The following DNAJB6 variants were observed in gnomAD, a reference collection of about 807,000 sequenced individuals.
The protein encoded by DNAJB6 is DnaJ heat shock protein family (Hsp40) member B6.
In DNAJB6, 16 loss-of-function variants were observed where a neutral mutation model predicts 42.7. That is an observed-to-expected ratio of 0.37 (90% confidence interval 0.25 to 0.57). The LOEUF (loss-of-function observed/expected upper bound fraction) is 0.57, where lower values mean the gene tolerates loss of function less well. DNAJB6 is among the 20% of genes least tolerant of loss of function. The pLI is 0.74. For synonymous variants in DNAJB6, 170 were observed against 163.5 expected (o/e 1.04, Z -0.30); for missense variants, 347 against 416.8 (o/e 0.83, Z 1.46).
At chr7:157,359,341 T>A (rs1436385470) in intron 2 of DNAJB6, among the ~76,000 whole-genome samples, 1 of 152,222 alleles carries the variant, frequency 6.6e-6, no homozygotes, top group Non-Finnish European at 1.5e-5. Context: ...GAAGATAGAA[T>A]TAACTTTTTT....
At chr7:157,354,177 T>C (rs376253243) in intron 1 of DNAJB6, among the ~76,000 whole-genome samples, 3 of 152,340 alleles carry the variant, frequency 2.0e-5, no homozygotes, top group African/African-American at 7.2e-5. Context: ...GATGGAGTTT[T>C]GTTCTTGTTG....
chr7:157,402,863 G>A (rs1029182897), intron 8 of DNAJB6, among the ~76,000 whole-genome samples: 11 of 152,192 alleles, frequency 7.2e-5, no homozygotes, highest in East Asian at 3.8e-4. Context: ...GAAAGTCCAC[G>A]GAACCCCACT....
intron 9 of DNAJB6, chr7:157,411,398 G>A (rs967551049): frequency 2.1e-4 from 22 of 106,854 alleles, no homozygotes; most frequent in African/African-American, 6.6e-4. Context: ...CGTGGGGAAG[G>A]TTCCCAGGAT....
At chr7:157,399,476 G>A (rs533127437) in intron 8 of DNAJB6, among the ~76,000 whole-genome samples, 2 of 152,328 alleles carry the variant, frequency 1.3e-5, no homozygotes, top group South Asian at 2.1e-4. Context: ...TATCCTTGCC[G>A]TTGACCTACA....
At chr7:157,375,646 G>A (rs144545252) in intron 5 of DNAJB6, among the ~76,000 whole-genome samples, 109 of 152,330 alleles carry the variant, frequency 7.2e-4, no homozygotes, top group African/African-American at 2.5e-3. Flanking sequence ...ACTTCAGGGC[G>A]GAGCTCCGGC....
At chr7:157,398,196 G>A (rs908024933) in intron 8 of DNAJB6, among the ~76,000 whole-genome samples, 4 of 152,210 alleles carry the variant, frequency 2.6e-5, no homozygotes, top group Non-Finnish European at 5.9e-5. Context: ...CCACCCTTGA[G>A]CTCCCTAGGA....
chr7:157,345,815 A>C (rs1408698533), intron 1 of DNAJB6, among the ~76,000 whole-genome samples: 3 of 152,174 alleles, frequency 2.0e-5, no homozygotes, highest in African/African-American at 7.2e-5. Flanking sequence ...GTGGGGTTCT[A>C]ATGGACACCT....
chr7:157,370,002 A>C (rs180793051), intron 5 of DNAJB6, among the ~76,000 whole-genome samples: 228 of 145,866 alleles, frequency 1.6e-3, no homozygotes, highest in African/African-American at 5.8e-3. Context: ...GCCCCTTCTT[A>C]ACATTATTAT....
intron 8 of DNAJB6, among the ~76,000 whole-genome samples, chr7:157,401,911 G>A (rs530311345): frequency 1.3e-5 from 2 of 152,256 alleles, no homozygotes; most frequent in African/African-American, 4.8e-5. Context: ...TGCAGAGGCC[G>A]GCTCTTCCTG....
At chr7:157,341,552 TAA>T (rs942226632) in intron 1 of DNAJB6, among the ~76,000 whole-genome samples, 5 of 152,244 alleles carry the variant, frequency 3.3e-5, no homozygotes, top group African/African-American at 4.8e-5. Flanking sequence ...AGGCTTAAAT[TAA>T]AAGTGTGTTT....
chr7:157,391,958 C>T (rs1801364638), intron 8 of DNAJB6, among the ~76,000 whole-genome samples: 1 of 151,952 alleles, frequency 6.6e-6, no homozygotes, highest in Non-Finnish European at 1.5e-5. Flanking sequence ...TGAAAATTAG[C>T]TGGGCTTGGT....
chr7:157,374,921 T>C (rs1016439156), intron 5 of DNAJB6, among the ~76,000 whole-genome samples: 3 of 152,232 alleles, frequency 2.0e-5, no homozygotes, highest in African/African-American at 7.2e-5. Flanking sequence ...GAGCAAGACG[T>C]TGCCTGAGTC....
chr7:157,363,579 G>A (rs912140227), intron 3 of DNAJB6, among the ~76,000 whole-genome samples: 6 of 152,166 alleles, frequency 3.9e-5, no homozygotes, highest in Non-Finnish European at 7.3e-5. Flanking sequence ...TCAGGTCACT[G>A]TGCATGTGGC....
At chr7:157,399,752 T>C (rs1417279589) in intron 8 of DNAJB6, among the ~76,000 whole-genome samples, 2 of 152,190 alleles carry the variant, frequency 1.3e-5, no homozygotes, top group African/African-American at 4.8e-5. Context: ...CACTGCAACG[T>C]CCGCCTCCTG....
intron 6 of DNAJB6, 128 bp from the exon 7 acceptor site, chr7:157,384,739 C>A: frequency 1.1e-6 from 1 of 871,968 alleles, no homozygotes; most frequent in South Asian, 1.7e-5. Flanking sequence ...TTGATAGTTG[C>A]GTCGTTTATT....
intron 5 of DNAJB6, chr7:157,370,862 G>C (rs1800174118): frequency 6.6e-6 from 1 of 152,638 alleles, no homozygotes; most frequent in Admixed American, 6.5e-5. Flanking sequence ...TGAGCAGCCT[G>C]CTGACGGTAT....
chr7:157,373,294 G>T (rs1447552939), intron 5 of DNAJB6, among the ~76,000 whole-genome samples: 1 of 152,162 alleles, frequency 6.6e-6, no homozygotes, highest in African/African-American at 2.4e-5. Context: ...GAAATTCACA[G>T]CCAAGCAGCA....
Position 157,353,108 on chromosome 7 carries a change from C to T in DNAJB6, c.-26-5439C>T, listed in dbSNP as rs558766602. ...TTTTTTTTTAATTTTTAAAATTTTTCGTAGAGACAGGGTTTCGCCGTGTTG... is the reference window on the plus strand; with the variant it reads ...TTTTTTTTTAATTTTTAAAATTTTTTGTAGAGACAGGGTTTCGCCGTGTTG... On this transcript the variant is annotated intron_variant, in intron 1 of 9. Coordinates refer to ENST00000262177, the MANE Select transcript of DNAJB6 (RefSeq NM_058246.4). Among the ~76,000 whole-genome samples the T allele has an allele frequency of 5.3e-5, 8 of 149,584 alleles. No individual in the cohort carries two copies. The East Asian group carries it at 8.0e-4, about 15-fold the overall frequency.
chr7:157,407,275 C>CG (rs1224568367), intron 8 of DNAJB6, among the ~76,000 whole-genome samples: 5 of 152,288 alleles, frequency 3.3e-5, no homozygotes, highest in South Asian at 2.1e-4. Context: ...TCCCTGGGCA[C>CG]GGGGGGCTGT....
Sources: allele counts gnomAD v4.1 joint callset (sites outside exome capture counted in the v4.1 genomes callset), GRCh38; gene constraint gnomAD v4.1.1; transcripts MANE v1.5; gene names NCBI Gene and HGNC (gene_info 2026-07-23, HGNC 2026-07-21).